Variants in DMD observed in about 807,000 individuals in gnomAD.
The protein encoded by DMD is mutant dystrophin.
Under a neutral mutation model 330.1 loss-of-function variants are expected in DMD, and 63 were observed. The observed-to-expected ratio is 0.19, with a 90% CI of 0.16 to 0.24. DMD has a LOEUF of 0.24. Among genes scored for constraint, DMD ranks in the 10% least tolerant of loss-of-function variants. The probability of loss-of-function intolerance (pLI) is 1.00; values close to 1 mark genes in which losing one functional copy is unlikely to be tolerated. For missense variants in DMD, 3,344 were observed against 2,684.1 expected, an observed-to-expected ratio of 1.25 and a Z score of -5.43; for synonymous variants, 1,223 against 959.8, an observed-to-expected ratio of 1.27 and a Z score of -5.07.
chrX:33,132,152 T>C (rs773418956), intron 1 of DMD, among the ~76,000 whole-genome samples: 31 of 112,380 alleles, frequency 2.8e-4, no homozygotes, highest in Non-Finnish European at 3.8e-5. Context: ...TGTCAGATTA[T>C]ATCTTCTTAA....
At chrX:32,828,401 T>C (rs1380972009) in intron 4 of DMD, among the ~76,000 whole-genome samples, 1 of 110,177 alleles carries the variant, frequency 9.1e-6, no homozygotes, top group Non-Finnish European at 1.9e-5. Flanking sequence ...ATGCTTCTAC[T>C]GTTATTATAA....
chrX:32,160,209 G>GTTT (rs201236399), intron 44 of DMD, among the ~76,000 whole-genome samples: 1 of 92,161 alleles, frequency 1.1e-5, no homozygotes. Flanking sequence ...TCCAACTTTG[G>GTTT]TTTTTTTTTT....
chrX:32,604,572 A>C (rs1280063579), intron 12 of DMD, among the ~76,000 whole-genome samples: 1 of 110,545 alleles, frequency 9.0e-6, no homozygotes, highest in Non-Finnish European at 1.9e-5. Flanking sequence ...GGCAAGAGAA[A>C]GAAATAAAAG....
chrX:31,444,419 C>A, intron 60 of DMD, 62 bp downstream of exon 60: 1 of 1,168,285 alleles, frequency 8.6e-7, no homozygotes, highest in South Asian at 1.8e-5. Flanking sequence ...TTGTTCTTTA[C>A]AAATTTTATC....
chrX:31,138,906 A>T (rs1453225373), intron 76 of DMD, among the ~76,000 whole-genome samples: 2 of 111,599 alleles, frequency 1.8e-5, no homozygotes, highest in Non-Finnish European at 3.8e-5. Flanking sequence ...GACTCTAACA[A>T]TAATACCTGT....
chrX:32,653,215 G>A (rs1056681883), intron 9 of DMD, among the ~76,000 whole-genome samples: 3 of 111,471 alleles, frequency 2.7e-5, no homozygotes, highest in African/African-American at 9.8e-5. Flanking sequence ...TTGGTGTTTT[G>A]GACATGAAGT....
chrX:32,743,693 T>A (rs1042485030), intron 7 of DMD, among the ~76,000 whole-genome samples: 10 of 110,765 alleles, frequency 9.0e-5, no homozygotes, highest in Non-Finnish European at 1.7e-4. Context: ...GGGAGGAAGT[T>A]CTATTTTGCT....
At chrX:32,193,349 T>C (rs933117343) in intron 44 of DMD, among the ~76,000 whole-genome samples, 3 of 112,287 alleles carry the variant, frequency 2.7e-5, no homozygotes, top group Non-Finnish European at 3.8e-5. Context: ...TAAAACAATA[T>C]TTTGAACATT....
intron 30 of DMD, among the ~76,000 whole-genome samples, chrX:32,411,425 G>A (rs961076731): frequency 1.8e-5 from 2 of 111,040 alleles, no homozygotes; most frequent in Admixed American, 9.6e-5. Context: ...CACCACACCC[G>A]GCCAAAAAAC....
At position 32,357,660 on chromosome X, in the gene DMD, TACACACACACACAC is replaced by T. The variant is rs3044986; in HGVS notation, c.5325+5114_5325+5127del. The stretch of plus-strand genomic sequence containing the variant: ...AATTTCTCAACAGTGCATACACAGA[TACACACACACACAC>T]ACACACACACACACACACACACACA... On this transcript the variant is annotated intron_variant, in intron 37 of 78. Coordinates refer to ENST00000357033, the MANE Select transcript of DMD (RefSeq NM_004006.3). 2.5e-4 allele frequency among the ~76,000 whole-genome samples: 24 copies of T among 94,864 alleles called. 2 individuals are homozygous for T. Among genetic ancestry groups the T allele is most frequent in the Admixed American group, 2.1e-3 (18 of 8,458 alleles). 82.4% of individuals were successfully genotyped at this position (94,864 alleles called of 115,157 possible).
intron 45 of DMD, among the ~76,000 whole-genome samples, chrX:31,940,828 C>T (rs765888826): frequency 1.8e-5 from 2 of 110,644 alleles, no homozygotes; most frequent in African/African-American, 3.3e-5. Context: ...GTAGTAAGAA[C>T]GTCCTAAAAA....
chrX:33,054,135 A>G (rs1195012845), intron 1 of DMD, among the ~76,000 whole-genome samples: 1 of 112,238 alleles, frequency 8.9e-6, no homozygotes, highest in African/African-American at 3.2e-5. Context: ...GGTATAAACT[A>G]AGGTAACAGC....
At chrX:33,175,878 T>C (rs2049621792) in intron 1 of DMD, among the ~76,000 whole-genome samples, 2 of 111,918 alleles carry the variant, frequency 1.8e-5, no homozygotes, top group African/African-American at 6.5e-5. Context: ...TTCCAGACCT[T>C]ATTATATGCT....
intron 1 of DMD, among the ~76,000 whole-genome samples, chrX:33,153,428 CA>C (rs1170793853): frequency 4.5e-5 from 5 of 112,169 alleles, no homozygotes; most frequent in African/African-American, 1.6e-4. Flanking sequence ...AACAAACAAA[CA>C]AAACAAAACA....
intron 17 of DMD, among the ~76,000 whole-genome samples, chrX:32,523,522 A>G (rs1249019207): frequency 8.9e-6 from 1 of 112,378 alleles, no homozygotes; most frequent in Non-Finnish European, 1.9e-5. Context: ...GTGTAGGAGG[A>G]AGGAATTCTA....
chrX:32,201,944 T>G (rs771592636), intron 44 of DMD, among the ~76,000 whole-genome samples: 1 of 112,325 alleles, frequency 8.9e-6, no homozygotes, highest in African/African-American at 3.2e-5. Flanking sequence ...AGAATTTTTA[T>G]TTTCAAAAGA....
intron 2 of DMD, among the ~76,000 whole-genome samples, chrX:32,914,649 C>T (rs2087625328): frequency 8.9e-6 from 1 of 112,275 alleles, no homozygotes; most frequent in Admixed American, 9.4e-5. Context: ...GAAAAATCTT[C>T]GAGCAGCCCA....
In DMD at chrX:32,395,300, G is replaced by A. The variant is rs149352241; in HGVS notation, c.4234-5119C>T. Among the ~76,000 whole-genome samples the A allele has an allele frequency of 3.5e-3, 387 of 111,496 alleles. 4 individuals carry two copies. The highest frequency in any genetic ancestry group is 0.011 in the African/African-American group (338 of 30,757). On this transcript the variant is annotated intron_variant, in intron 30 of 78. Transcript: ENST00000357033. The stretch of plus-strand genomic sequence containing the variant: ...AATTCCACACAGTGAGAACAAAATT[G>A]TTGCCCCTATACTTACAGAAGCCTT...
chrX:32,254,293 C>T (rs751519922), intron 43 of DMD, among the ~76,000 whole-genome samples: 39 of 112,148 alleles, frequency 3.5e-4, no homozygotes, highest in East Asian at 1.1e-3. Context: ...CTGCCCACCT[C>T]GGCCTCTCAA....
Sources: gnomAD v4.1 joint callset for allele counts (sites outside exome capture counted in the v4.1 genomes callset) on GRCh38, gnomAD v4.1.1 for gene constraint, MANE v1.5 for transcripts, NCBI Gene and HGNC (gene_info 2026-07-23, HGNC 2026-07-21) for gene names.